OTUD7A: variants seen among roughly 807,000 people sequenced by gnomAD.
OTUD7A encodes OTU domain-containing protein 7A.
OTUD7A carries 12 observed loss-of-function variants against 65.7 expected under a neutral mutation model. That is an observed-to-expected ratio of 0.18 (90% CI 0.12 to 0.30). The LOEUF (loss-of-function observed/expected upper bound fraction) is 0.30. Ranked by LOEUF, OTUD7A falls within the 10% of genes least tolerant of loss-of-function variation. The pLI is 1.00. For synonymous variants in OTUD7A, 641 were observed against 586.3 expected (o/e 1.09, Z -1.35); for missense variants, 1,148 against 1,304.8 (o/e 0.88, Z 1.85).
intron 5 of OTUD7A, among the ~76,000 whole-genome samples, chr15:31,553,736 T>C (rs149159785): frequency 1.3e-5 from 2 of 151,886 alleles, no homozygotes; most frequent in Non-Finnish European, 2.9e-5. Context: ...ACGTACCCCA[T>C]AGCCGTGTCT....
At chr15:31,533,234 A>T (rs995911127) in intron 5 of OTUD7A, among the ~76,000 whole-genome samples, 2 of 135,852 alleles carry the variant, frequency 1.5e-5, no homozygotes, top group East Asian at 2.1e-4. Context: ...AGCAGGATAA[A>T]TTTTTTTTTT....
chr15:31,805,741 C>G (rs1292747584), intron 1 of OTUD7A, among the ~76,000 whole-genome samples: 2 of 152,174 alleles, frequency 1.3e-5, no homozygotes, highest in Non-Finnish European at 2.9e-5. Context: ...GTCCCTGACT[C>G]CCGCTTCAAG....
At chr15:31,575,061 A>G (rs1254854078) in intron 3 of OTUD7A, among the ~76,000 whole-genome samples, 1 of 152,230 alleles carries the variant, frequency 6.6e-6, no homozygotes, top group Non-Finnish European at 1.5e-5. Context: ...CCTGACTGTG[A>G]AACAGAAACT....
At chr15:31,720,493 G>A (rs989238465) in intron 1 of OTUD7A, among the ~76,000 whole-genome samples, 11 of 150,336 alleles carry the variant, frequency 7.3e-5, no homozygotes, top group African/African-American at 1.2e-4. Context: ...TCTGCCCCCC[G>A]GGGTTCACAC....
chr15:31,844,004 G>A (rs1897245357), intron 1 of OTUD7A, among the ~76,000 whole-genome samples: 2 of 152,186 alleles, frequency 1.3e-5, no homozygotes, highest in African/African-American at 4.8e-5. Context: ...CAATCAATCA[G>A]ACCTCATTAA....
Position 31,674,528 on chromosome 15 carries a change from T to A in OTUD7A, c.-99-17451A>T, listed in dbSNP as rs545103185. Among the ~76,000 whole-genome samples the A allele has an allele frequency of 2.0e-5, 3 of 152,336 alleles. No homozygotes were observed. The South Asian group carries it at 6.2e-4, about 32-fold the overall frequency. On this transcript the variant is annotated intron_variant, in intron 1 of 12. Coordinates refer to ENST00000307050, the MANE Select transcript of OTUD7A (RefSeq NM_001382637.1). ...CTACTGCAGACTGAATCTTGGTTTA[T>A]CAGGGAGCAGTTGAGACCCTGGATT...
intron 1 of OTUD7A, among the ~76,000 whole-genome samples, chr15:31,732,069 CT>C (rs894020261): frequency 2.0e-5 from 3 of 152,150 alleles, no homozygotes; most frequent in African/African-American, 7.2e-5. Context: ...TCTGTCTTCC[CT>C]GGAATTTCTA....
chr15:31,635,194 T>C (rs1207357530), intron 3 of OTUD7A, among the ~76,000 whole-genome samples: 1 of 152,166 alleles, frequency 6.6e-6, no homozygotes, highest in Non-Finnish European at 1.5e-5. Flanking sequence ...CTGCTAGTCC[T>C]TCCCTATCTA....
intron 1 of OTUD7A, among the ~76,000 whole-genome samples, chr15:31,683,080 A>C (rs557534262): frequency 7.9e-5 from 12 of 152,330 alleles, no homozygotes; most frequent in Non-Finnish European, 1.2e-4. Flanking sequence ...TTCCATTAAG[A>C]AAAAATAATT....
At chr15:31,600,865 G>A (rs1890052702) in intron 3 of OTUD7A, among the ~76,000 whole-genome samples, 1 of 152,070 alleles carries the variant, frequency 6.6e-6, no homozygotes, top group African/African-American at 2.4e-5. Context: ...GACAAAGAAG[G>A]GCATTACATA....
Position 31,481,709 on chromosome 15 carries a change from T to C in OTUD7A, c.*1585A>G, listed in dbSNP as rs1287228823. On this transcript the variant is annotated 3_prime_UTR_variant, in exon 13 of 13. Transcript: ENST00000307050. The stretch of plus-strand genomic sequence containing the variant: ...CAGGAGATACTCAATTATTTTATTA[T>C]AATTTCTCAAACAAGTAAAAAAAAT... 1.3e-5 allele frequency: 2 copies of C among 152,354 alleles called. No homozygotes were observed. Among genetic ancestry groups the C allele is most frequent in the Admixed American group, 1.3e-4 (2 of 15,260 alleles). 9.4% of individuals were successfully genotyped at this position (152,354 alleles called of 1,614,324 possible). A position where few individuals can be genotyped will look rare whatever the true frequency, so the allele number is the denominator to read the frequency against.
At chr15:31,681,832 C>T (rs148090137) in intron 1 of OTUD7A, among the ~76,000 whole-genome samples, 3,250 of 150,398 alleles carry the variant, frequency 0.022, 157 homozygotes, top group African/African-American at 0.076. Context: ...TGGGCCATTG[C>T]TCTGTGTTAT....
intron 5 of OTUD7A, chr15:31,557,922 C>T (rs1448503534): frequency 6.6e-6 from 1 of 152,008 alleles, no homozygotes; most frequent in African/African-American, 2.4e-5. Context: ...TGGGATGACA[C>T]ATCTGGGGAC....
At chr15:31,753,119 C>T (rs566302676) in intron 1 of OTUD7A, among the ~76,000 whole-genome samples, 1 of 152,082 alleles carries the variant, frequency 6.6e-6, no homozygotes, top group African/African-American at 2.4e-5. Context: ...TGACTAATGG[C>T]GCAGTTTGAT....
At chr15:31,749,475 C>T (rs1383292456) in intron 1 of OTUD7A, among the ~76,000 whole-genome samples, 3 of 152,120 alleles carry the variant, frequency 2.0e-5, no homozygotes, top group African/African-American at 4.8e-5. Context: ...GACTAACCTA[C>T]GCACATAGAC....
Position 31,512,247 on chromosome 15 carries a change from C to CT in OTUD7A, c.894-8430dup, listed in dbSNP as rs1012387774. Among the ~76,000 whole-genome samples the CT allele has an allele frequency of 2.2e-4, 34 of 151,866 alleles. 1 individual carries two copies. Among genetic ancestry groups the CT allele is most frequent in the African/African-American group, 7.5e-4 (31 of 41,372 alleles). The stretch of plus-strand genomic sequence containing the variant: ...GTTTTTTTTTTGCATTGCTGAGACT[C>CT]TGAGTTTATTCCACATACCGGGTGG... On this transcript the variant is annotated intron_variant, in intron 8 of 12. Transcript: ENST00000307050.
At chr15:31,695,105 A>C (rs1287939460) in intron 1 of OTUD7A, among the ~76,000 whole-genome samples, 1 of 152,180 alleles carries the variant, frequency 6.6e-6, no homozygotes, top group African/African-American at 2.4e-5. Flanking sequence ...TCGGCCTCCC[A>C]AAGTGCTGGG....
chr15:31,610,615 A>ATTTTTTTTTTTTTTTTTTTTTT (rs1336235314), intron 3 of OTUD7A, among the ~76,000 whole-genome samples: 2 of 32,848 alleles, frequency 6.1e-5, no homozygotes, highest in Non-Finnish European at 9.9e-5. Flanking sequence ...ATATATATAT[A>ATTTTTTTTTTTTTTTTTTTTTT]TATTTTTTTT....
At chr15:31,609,763 C>A (rs28451753) in intron 3 of OTUD7A, among the ~76,000 whole-genome samples, 219 of 152,124 alleles carry the variant, frequency 1.4e-3, no homozygotes, top group African/African-American at 4.9e-3. Flanking sequence ...GGAGGCCAAC[C>A]GGCACAAAAA....
Sources: gnomAD v4.1 joint callset for allele counts (sites outside exome capture counted in the v4.1 genomes callset) on GRCh38, gnomAD v4.1.1 for gene constraint, MANE v1.5 for transcripts, NCBI Gene and HGNC (gene_info 2026-07-23, HGNC 2026-07-21) for gene names.